Variants in ALDH1L1 observed in about 807,000 individuals in gnomAD.
ALDH1L1 encodes the protein aldehyde dehydrogenase 1 family member L1.
In ALDH1L1, 68 loss-of-function variants were observed where a neutral mutation model predicts 101.1. That is an observed-to-expected ratio of 0.67 (90% confidence interval 0.55 to 0.82). ALDH1L1 has a LOEUF of 0.82. Ranked by LOEUF, ALDH1L1 falls within the 40% of genes least tolerant of loss-of-function variation. ALDH1L1 has a pLI of 0.00. For synonymous variants in ALDH1L1, 486 were observed against 470.8 expected (o/e 1.03, Z -0.42); for missense variants, 1,087 against 1,172.7 (o/e 0.93, Z 1.07).
chr3:126,153,123 C>T (rs775570587), intron 7 of ALDH1L1: 5 of 407,108 alleles, frequency 1.2e-5, no homozygotes, highest in African/African-American at 2.1e-5. Context: ...AGGCCCTGAA[C>T]CCAGGCTCCC....
chr3:126,118,351 C>A (rs2080016268), intron 16 of ALDH1L1, among the ~76,000 whole-genome samples: 1 of 152,094 alleles, frequency 6.6e-6, no homozygotes, highest in African/African-American at 2.4e-5. Flanking sequence ...GGAGATGTGG[C>A]CTTTACATAG....
At chr3:126,139,078 G>C (rs2080513121) in intron 9 of ALDH1L1, among the ~76,000 whole-genome samples, 1 of 152,234 alleles carries the variant, frequency 6.6e-6, no homozygotes, top group African/African-American at 2.4e-5. Context: ...GCTGAAGCCA[G>C]GGTGGGCAAT....
chr3:126,132,521 C>A (rs56660988), intron 12 of ALDH1L1, among the ~76,000 whole-genome samples: 1 of 152,202 alleles, frequency 6.6e-6, no homozygotes, highest in Admixed American at 6.5e-5. Context: ...CTCCTCACAT[C>A]GGCCTCTTCC....
chr3:126,124,357 C>T lies in ALDH1L1; in HGVS notation c.1888+7G>A. The T allele has an allele frequency of 1.2e-6, 2 of 1,609,240 alleles. No individual in the cohort carries two copies. Among genetic ancestry groups the T allele is most frequent in the Non-Finnish European group, 1.7e-6 (2 of 1,177,826 alleles). On this transcript the variant is annotated splice_region_variant and intron_variant, in intron 16 of 22. Transcript: ENST00000393434. ...GCCCTAGCCCTGCCCCCGACAATGG[C>T]TCTTACCAGATCCTGGGAGGACGTT...
At chr3:126,144,561 A>G (rs1274745642) in intron 9 of ALDH1L1, among the ~76,000 whole-genome samples, 1 of 152,242 alleles carries the variant, frequency 6.6e-6, no homozygotes, top group East Asian at 1.9e-4. Flanking sequence ...ATATATGGCC[A>G]ACTAATCTTC....
intron 1 of ALDH1L1, among the ~76,000 whole-genome samples, chr3:126,194,982 C>T (rs764407297): frequency 6.6e-6 from 1 of 151,866 alleles, no homozygotes; most frequent in Non-Finnish European, 1.5e-5. Context: ...CCTAAACATC[C>T]CTCTTTTTAA....
At chr3:126,147,093 G>A (rs918447355) in intron 8 of ALDH1L1, among the ~76,000 whole-genome samples, 167 bp from the exon 9 acceptor site, 1 of 152,210 alleles carries the variant, frequency 6.6e-6, no homozygotes. Context: ...TGGTCCTGGA[G>A]TGACCACCTT....
At chr3:126,105,971 A>G (rs748360743) in intron 21 of ALDH1L1, 46 bp from the exon 22 acceptor site, 39 of 1,588,276 alleles carry the variant, frequency 2.5e-5, no homozygotes, top group Non-Finnish European at 1.9e-5. Context: ...GGTGCAGAGG[A>G]GAGCCTGGCC....
At chr3:126,174,834 A>T (rs2081343222) in intron 1 of ALDH1L1, among the ~76,000 whole-genome samples, 2 of 152,134 alleles carry the variant, frequency 1.3e-5, no homozygotes. Context: ...AAATTAGGAA[A>T]CTAGAAAAAG....
intron 18 of ALDH1L1, 118 bp downstream of exon 18, chr3:126,114,439 T>C (rs886142009): frequency 1.0e-5 from 8 of 773,044 alleles, no homozygotes; most frequent in Non-Finnish European, 1.1e-5. Flanking sequence ...GATGACGCTA[T>C]GGACTCCACC....
chr3:126,172,581 T>G (rs971991053), intron 1 of ALDH1L1, among the ~76,000 whole-genome samples: 2 of 152,008 alleles, frequency 1.3e-5, no homozygotes, highest in African/African-American at 4.8e-5. Context: ...CCAAGAATGG[T>G]GGGACAATTG....
At chr3:126,104,174 G>A in intron 22 of ALDH1L1, 1 of 390,024 alleles carries the variant, frequency 2.6e-6, no homozygotes, top group Non-Finnish European at 4.7e-6. Flanking sequence ...AGACTCACTG[G>A]CCCATCTCTT....
chr3:126,157,328 G>A lies in ALDH1L1; in HGVS notation c.528+15C>T. 6.2e-7 allele frequency: 1 copy of A among 1,602,896 alleles called. No homozygotes were observed. Among genetic ancestry groups the A allele is most frequent in the Non-Finnish European group, 8.5e-7 (1 of 1,172,072 alleles). On this transcript the variant is annotated intron_variant, in intron 4 of 22. Coordinates refer to ENST00000393434, the MANE Select transcript of ALDH1L1 (RefSeq NM_012190.4). ...CGTCGGGGCGGGCAGGGCGCGGCCG[G>A]CTCCAGGTCCTCACCATCCCTTTGA...
Position 126,105,763 on chromosome 3 carries a change from G to A in ALDH1L1, c.2616C>T (p.Phe872=), listed in dbSNP as rs772384247. The change falls in exon 22 of 23, where the codon TTC becomes TTT. Residue 872 remains phenylalanine (F), a synonymous_variant. Transcript: ENST00000393434. The part of the protein sequence containing the change: ...TYNKTDVAAP[F]GGFKQSGFGK... Reference sequence around the variant, plus strand: ...CAAATCCAGACTGTTTGAATCCTCCGAAGGGAGCGGCCACGTCGGTCTTGT... The same window carrying A: ...CAAATCCAGACTGTTTGAATCCTCCAAAGGGAGCGGCCACGTCGGTCTTGT... 3.5e-5 allele frequency: 56 copies of A among 1,614,096 alleles called. No homozygotes were observed. The highest frequency in any genetic ancestry group is 1.1e-4 in the African/African-American group (8 of 74,924).
At chr3:126,183,925 G>A (rs1236141983), upstream of ALDH1L1, among the ~76,000 whole-genome samples, 14 of 152,182 alleles carry the variant, frequency 9.2e-5, no homozygotes, top group Admixed American at 9.2e-4. Flanking sequence ...AATGTATTTT[G>A]CATGTGGAAG....
At chr3:126,118,281 T>A (rs971090680) in intron 16 of ALDH1L1, among the ~76,000 whole-genome samples, 183 bp from the exon 17 acceptor site, 5 of 152,204 alleles carry the variant, frequency 3.3e-5, no homozygotes, top group African/African-American at 9.6e-5. Flanking sequence ...CTGAACTGTG[T>A]CCCCTAAAAT....
At chr3:126,177,522 G>T (rs1342304507) in intron 1 of ALDH1L1, among the ~76,000 whole-genome samples, 1 of 152,020 alleles carries the variant, frequency 6.6e-6, no homozygotes. Flanking sequence ...AACTACAAAG[G>T]CAGTAACCAG....
intron 9 of ALDH1L1, 148 bp downstream of exon 9, chr3:126,146,687 C>A (rs542288237): frequency 1.4e-6 from 1 of 738,900 alleles, no homozygotes; most frequent in South Asian, 1.9e-5. Context: ...CATGTGTGCA[C>A]GCAGACCTGC....
chr3:126,142,454 C>T (rs1159583233), intron 9 of ALDH1L1, among the ~76,000 whole-genome samples: 2 of 152,178 alleles, frequency 1.3e-5, no homozygotes, highest in African/African-American at 4.8e-5. Context: ...CAACAAAATA[C>T]TAGCAAATTG....
Sources: gnomAD v4.1 joint callset for allele counts (sites outside exome capture counted in the v4.1 genomes callset) on GRCh38, gnomAD v4.1.1 for gene constraint, MANE v1.5 for transcripts, NCBI Gene and HGNC (gene_info 2026-07-23, HGNC 2026-07-21) for gene names.